The following RUNX2 variants were observed in gnomAD, a reference collection of about 807,000 sequenced individuals.
RUNX2 encodes the protein RUNX family transcription factor 2, also known as runt-related transcription factor 2.
RUNX2 carries 10 observed loss-of-function variants against 51.7 expected under a neutral mutation model. The ratio of observed to expected loss-of-function variants is 0.19; its 90% CI spans 0.12 to 0.33. RUNX2 has a LOEUF of 0.33. Among genes scored for constraint, RUNX2 ranks in the 10% least tolerant of loss-of-function variants. The pLI, the probability that RUNX2 is intolerant of heterozygous loss-of-function variation, is 1.00. For synonymous variants in RUNX2, 276 were observed against 273.6 expected (o/e 1.01, Z -0.09); for missense variants, 562 against 691.3 (o/e 0.81, Z 2.10).
At chr6:45,537,284 A>G (rs534287497) in intron 7 of RUNX2, among the ~76,000 whole-genome samples, 2 of 152,252 alleles carry the variant, frequency 1.3e-5, no homozygotes, top group South Asian at 4.2e-4. Flanking sequence ...TGGTCAGAAC[A>G]CTTTTCATCA....
intron 7 of RUNX2, among the ~76,000 whole-genome samples, chr6:45,529,622 A>G (rs889735648): frequency 1.4e-4 from 21 of 152,152 alleles, no homozygotes; most frequent in African/African-American, 4.6e-4. Flanking sequence ...GGCTTATTGC[A>G]TTCCCTTTCA....
At chr6:45,423,930 C>A (rs1053022961) in intron 3 of RUNX2, among the ~76,000 whole-genome samples, 1 of 152,236 alleles carries the variant, frequency 6.6e-6, no homozygotes, top group Non-Finnish European at 1.5e-5. Flanking sequence ...ATGAGGGAAA[C>A]CTGTGGAACA....
At chr6:45,401,573 C>A (rs1315377839) in intron 2 of RUNX2, among the ~76,000 whole-genome samples, 1 of 152,186 alleles carries the variant, frequency 6.6e-6, no homozygotes, top group Non-Finnish European at 1.5e-5. Flanking sequence ...TTAAACAATG[C>A]GTACCTCACA....
rs570246957 is a variant in RUNX2, at chr6:45,407,244, C to A, written c.59-15349C>A. 5.0e-4 allele frequency among the ~76,000 whole-genome samples: 76 copies of A among 152,218 alleles called. 1 individual carries two copies. The highest frequency in any genetic ancestry group is 1.8e-3 in the African/African-American group (75 of 41,546). On this transcript the variant is annotated intron_variant, in intron 2 of 8. Transcript: ENST00000647337. ...TCAGCTTCCCAAGTAGCTGGCACCA[C>A]AGGCATGTACCACCAGGCTGGTCTC...
intron 5 of RUNX2, among the ~76,000 whole-genome samples, chr6:45,453,302 A>G (rs779190878): frequency 1.2e-4 from 18 of 152,254 alleles, no homozygotes; most frequent in Non-Finnish European, 2.2e-4. Flanking sequence ...TATCTTTATA[A>G]AAAAGAACGC....
At chr6:45,449,969 T>C (rs917821714) in intron 5 of RUNX2, among the ~76,000 whole-genome samples, 5 of 152,166 alleles carry the variant, frequency 3.3e-5, no homozygotes, top group African/African-American at 1.2e-4. Flanking sequence ...TCTCCCAAGA[T>C]TACCACTACT....
intron 7 of RUNX2, among the ~76,000 whole-genome samples, chr6:45,521,519 A>G (rs1801508126): frequency 6.6e-6 from 1 of 152,244 alleles, no homozygotes; most frequent in Admixed American, 6.5e-5. Flanking sequence ...AGAGTCTGAC[A>G]TTAATTATAG....
chr6:45,339,174 G>C (rs1191133341), intron 2 of RUNX2, among the ~76,000 whole-genome samples: 1 of 152,124 alleles, frequency 6.6e-6, no homozygotes, highest in African/African-American at 2.4e-5. Context: ...AGAAAAAAGG[G>C]ATTGAAAGAG....
chr6:45,533,475 ACAAACAGCTCTTTGAAACTGATGCCAAAT>A (rs1489309836), intron 7 of RUNX2, among the ~76,000 whole-genome samples: 1 of 152,250 alleles, frequency 6.6e-6, no homozygotes, highest in African/African-American at 2.4e-5. Flanking sequence ...TCTAAAATAT[ACAAACAGCTCTTTGAAACTGATGCCAAAT>A]CAAACTCTAA....
intron 2 of RUNX2, among the ~76,000 whole-genome samples, chr6:45,372,532 T>A (rs1796227121): frequency 6.6e-6 from 1 of 152,232 alleles, no homozygotes; most frequent in African/African-American, 2.4e-5. Context: ...ATTTCAAGAT[T>A]TTTTAATGAT....
chr6:45,479,254 G>A (rs746971713), intron 5 of RUNX2, among the ~76,000 whole-genome samples: 1 of 152,292 alleles, frequency 6.6e-6, no homozygotes, highest in East Asian at 1.9e-4. Flanking sequence ...CTTCCAGATT[G>A]CATTACTTCT....
intron 2 of RUNX2, among the ~76,000 whole-genome samples, chr6:45,417,647 G>T (rs758477436): frequency 4.8e-4 from 73 of 152,208 alleles, no homozygotes; most frequent in Middle Eastern, 6.8e-3. Context: ...AAACTTTTCT[G>T]TAAAAAGTCA....
At chr6:45,486,367 G>A (rs552933159) in intron 5 of RUNX2, among the ~76,000 whole-genome samples, 4 of 152,262 alleles carry the variant, frequency 2.6e-5, no homozygotes, top group African/African-American at 9.6e-5. Context: ...CTTGCATGTA[G>A]TAGATAACCA....
Position 45,546,994 on chromosome 6 carries a change from C to A in RUNX2, c.1255C>A (p.His419Asn). The change falls in exon 9 of 9, where the codon CAC becomes AAC. Residue 419 changes from histidine to asparagine, a missense_variant. By Grantham distance (68) the His-to-Asn change is moderately conservative. This residue lies in a region of RUNX2 where 304 missense variants were observed against 353.2 expected (regional missense o/e 0.86). Transcript: ENST00000647337. ...CGGTATGTCCGCCACCACTCACTAC[C>A]ACACCTACCTGCCACCACCCTACCC... ...SLGMSATTHY[H>N]TYLPPPYPGS... 6.2e-7 allele frequency: 1 copy of A among 1,614,086 alleles called. No homozygotes were observed. The highest frequency in any genetic ancestry group is 8.5e-7 in the Non-Finnish European group (1 of 1,180,028).
chr6:45,542,701 T>C (rs906670380), intron 7 of RUNX2, among the ~76,000 whole-genome samples: 6 of 152,192 alleles, frequency 3.9e-5, no homozygotes, highest in African/African-American at 1.4e-4. Context: ...TTGAGATATT[T>C]TGAGTATTTT....
At chr6:45,392,721 T>TA (rs1797498281) in intron 2 of RUNX2, among the ~76,000 whole-genome samples, 1 of 140,486 alleles carries the variant, frequency 7.1e-6, no homozygotes, top group African/African-American at 2.6e-5. Context: ...TTTTTTTTTT[T>TA]ATATTTATGC....
intron 2 of RUNX2, among the ~76,000 whole-genome samples, chr6:45,383,623 AAAAG>A (rs1797288018): frequency 6.6e-6 from 1 of 152,054 alleles, no homozygotes; most frequent in African/African-American, 2.4e-5. Flanking sequence ...AAAAAAAAGA[AAAAG>A]AAAAATATTT....
At chr6:45,517,731 A>G (rs1189073386) in intron 7 of RUNX2, among the ~76,000 whole-genome samples, 3 of 152,102 alleles carry the variant, frequency 2.0e-5, no homozygotes, top group South Asian at 4.2e-4. Context: ...AGGTCAGGAG[A>G]ATAAGCATTA....
chr6:45,446,791 A>G (rs938669638), intron 5 of RUNX2, among the ~76,000 whole-genome samples: 1 of 152,260 alleles, frequency 6.6e-6, no homozygotes, highest in Non-Finnish European at 1.5e-5. Flanking sequence ...GTTTTTATTT[A>G]AGCAGGTATA....
Sources: gnomAD v4.1 joint callset for allele counts (sites outside exome capture counted in the v4.1 genomes callset) on GRCh38, gnomAD v4.1.1 for gene constraint, gnomAD v4.1.1 regional missense constraint, MANE v1.5 for transcripts, NCBI Gene and HGNC (gene_info 2026-07-23, HGNC 2026-07-21) for gene names.